The following SESN3 variants were observed in gnomAD, a reference collection of about 807,000 sequenced individuals.
The protein encoded by SESN3 is sestrin-3.
SESN3 carries 21 observed loss-of-function variants against 55.3 expected under a neutral mutation model. The ratio of observed to expected loss-of-function variants is 0.38; its 90% confidence interval spans 0.27 to 0.55. SESN3 has a LOEUF of 0.55. SESN3 is among the 20% of genes least tolerant of loss of function. The pLI is 0.76. For missense variants in SESN3, 408 were observed against 604.3 expected (o/e 0.68, Z 3.41); for synonymous variants, 181 against 203.1 (o/e 0.89, Z 0.93).
chr11:95,176,461 G>C (rs1859957953), intron 8 of SESN3, among the ~76,000 whole-genome samples: 2 of 152,192 alleles, frequency 1.3e-5, no homozygotes, highest in South Asian at 4.1e-4. Flanking sequence ...ATGCTGGAGA[G>C]AGAAGGGAGC....
Position 95,177,710 on chromosome 11 carries a change from T to G in SESN3, c.1247+9A>C, listed in dbSNP as rs368390546. The G allele has an allele frequency of 6.9e-6, 11 of 1,588,282 alleles. No individual in the cohort carries two copies. Among genetic ancestry groups the G allele is most frequent in the Non-Finnish European group, 9.4e-6 (11 of 1,170,082 alleles). On this transcript the variant is annotated intron_variant, in intron 8 of 9. Transcript: ENST00000536441. Reference sequence around the variant, plus strand: ...GAAATGTAAAAAACTGTCTCTACAATGAACATACCTGATTCCAAACATACA... The same window carrying G: ...GAAATGTAAAAAACTGTCTCTACAAGGAACATACCTGATTCCAAACATACA...
chr11:95,211,368 G>A (rs1032115473), intron 1 of SESN3, among the ~76,000 whole-genome samples: 9 of 152,176 alleles, frequency 5.9e-5, no homozygotes, highest in African/African-American at 2.2e-4. Flanking sequence ...CCACCCCCAT[G>A]ACCCAAGAGT....
intron 9 of SESN3, among the ~76,000 whole-genome samples, chr11:95,174,541 T>C (rs1396700386): frequency 6.6e-6 from 1 of 152,194 alleles, no homozygotes; most frequent in Non-Finnish European, 1.5e-5. Flanking sequence ...TGGAGTGCAG[T>C]GGAGTGATCT....
At chr11:95,189,704 C>T (rs1234815019) in intron 4 of SESN3, 75 bp downstream of exon 4, 1 of 1,021,284 alleles carries the variant, frequency 9.8e-7, no homozygotes, top group Non-Finnish European at 1.4e-6. Context: ...ATTTATGTTC[C>T]AAGTTCCTAA....
At chr11:95,177,447 A>G (rs554648893) in intron 8 of SESN3, among the ~76,000 whole-genome samples, 1 of 152,230 alleles carries the variant, frequency 6.6e-6, no homozygotes, top group African/African-American at 2.4e-5. Flanking sequence ...AGGATTCTCA[A>G]ATTTGGTCTA....
At chr11:95,174,867 A>G (rs1859926089) in intron 9 of SESN3, among the ~76,000 whole-genome samples, 1 of 152,172 alleles carries the variant, frequency 6.6e-6, no homozygotes, top group African/African-American at 2.4e-5. Context: ...TTTGTTCAAT[A>G]TAGCATATAA....
Position 95,169,445 on chromosome 11 carries a change from T to A in SESN3, c.*3810A>T, listed in dbSNP as rs1342516917. On this transcript the variant is annotated 3_prime_UTR_variant, in exon 10 of 10. Transcript: ENST00000536441. ...CATAACAAACATTATTGTTATGTACTGTTTAGTCCATGTTAAGACCATCTC... is the reference window on the plus strand; with the variant it reads ...CATAACAAACATTATTGTTATGTACAGTTTAGTCCATGTTAAGACCATCTC... 6.6e-6 allele frequency: 1 copy of A among 152,224 alleles called. No homozygotes were observed. Among genetic ancestry groups the A allele is most frequent in the Non-Finnish European group, 1.5e-5 (1 of 68,034 alleles). The allele number at this position is 152,224 out of a possible 1,614,324, so 9.4% of individuals were successfully genotyped here.
chr11:95,173,560 T>C (rs1258089384), intron 9 of SESN3, among the ~76,000 whole-genome samples: 1 of 152,162 alleles, frequency 6.6e-6, no homozygotes, highest in African/African-American at 2.4e-5. Context: ...TCTGATAACT[T>C]TATTAAAGTT....
intron 6 of SESN3, 118 bp from the exon 7 acceptor site, chr11:95,178,946 T>C: frequency 1.6e-6 from 1 of 608,050 alleles, no homozygotes; most frequent in South Asian, 2.3e-5. Flanking sequence ...AGTGAAAACA[T>C]GGACTCCGTG....
chr11:95,187,632 T>C (rs915719816), intron 4 of SESN3, among the ~76,000 whole-genome samples: 1 of 151,930 alleles, frequency 6.6e-6, no homozygotes, highest in African/African-American at 2.4e-5. Flanking sequence ...GAAGTACTCT[T>C]GCTACCCTGA....
intron 1 of SESN3, among the ~76,000 whole-genome samples, chr11:95,217,925 T>G (rs1860790398): frequency 6.6e-6 from 1 of 152,218 alleles, no homozygotes; most frequent in Non-Finnish European, 1.5e-5. Flanking sequence ...ATTTTCCATT[T>G]TTAAATTACT....
chr11:95,209,741 G>A (rs991649138), intron 1 of SESN3, among the ~76,000 whole-genome samples: 1 of 151,134 alleles, frequency 6.6e-6, no homozygotes, highest in African/African-American at 2.4e-5. Flanking sequence ...GTTTGGCCAG[G>A]CGTGGTGGCT....
Position 95,231,022 on chromosome 11 carries a change from G to C in SESN3, c.-162C>G. On this transcript the variant is annotated 5_prime_UTR_variant, in exon 1 of 10. Transcript: ENST00000536441. ...GAGAGGCGACTGCCTGAAAGCTAGC[G>C]GCACTGCCAGAGGCGACCACCGCGG... 2.2e-6 allele frequency: 1 copy of C among 456,830 alleles called. No individual in the cohort carries two copies. The highest frequency in any genetic ancestry group is 3.8e-6 in the Non-Finnish European group (1 of 262,162). 28.3% of individuals were successfully genotyped at this position (456,830 alleles called of 1,614,324 possible).
At chr11:95,205,508 G>A (rs887350223) in intron 1 of SESN3, among the ~76,000 whole-genome samples, 3 of 152,094 alleles carry the variant, frequency 2.0e-5, no homozygotes, top group Non-Finnish European at 4.4e-5. Context: ...AAAATAGTGA[G>A]GAAAGTCTAG....
Position 95,173,060 on chromosome 11 carries a change from G to A in SESN3, c.*195C>T. On this transcript the variant is annotated 3_prime_UTR_variant, in exon 10 of 10. Transcript: ENST00000536441. ...CTCAGTATTATTTTTGCAATTGTTA[G>A]TAATGTTAAGCATCAAGGAAAATAA... 1 of 457,138 alleles carries A rather than the reference G, an allele frequency of 2.2e-6. No homozygotes were observed. Among genetic ancestry groups the A allele is most frequent in the East Asian group, 2.9e-5 (1 of 34,242 alleles). 28.3% of individuals were successfully genotyped at this position (457,138 alleles called of 1,614,324 possible). A position where few individuals can be genotyped will look rare whatever the true frequency, so the allele number is the denominator to read the frequency against.
Position 95,230,547 on chromosome 11 carries a change from G to C in SESN3, c.78+236C>G, listed in dbSNP as rs1861036765. 3.8e-6 allele frequency: 2 copies of C among 521,120 alleles called. No individual in the cohort carries two copies. The highest frequency in any genetic ancestry group is 4.1e-5 in the African/African-American group (2 of 48,750). 32.3% of individuals were successfully genotyped at this position (521,120 alleles called of 1,614,324 possible). A position where few individuals can be genotyped will look rare whatever the true frequency, so the allele number is the denominator to read the frequency against. On this transcript the variant is annotated intron_variant, in intron 1 of 9. Transcript: ENST00000536441. This position sits in a 1 kb window ranked among gnomAD's most constrained non-coding sequence, Gnocchi z 4.6. ...CAAAGGCACCAAATAAAAGGAACAA[G>C]GGAAGAAAAAATATCCCAACCCCTC... is the stretch of plus-strand genomic sequence containing the variant.
chr11:95,213,744 T>C (rs1860702158), intron 1 of SESN3, among the ~76,000 whole-genome samples: 1 of 152,196 alleles, frequency 6.6e-6, no homozygotes, highest in Non-Finnish European at 1.5e-5. Flanking sequence ...AGTCAGTATT[T>C]TTATTCTTTA....
Position 95,173,106 on chromosome 11 carries a change from A to T in SESN3, c.*149T>A, listed in dbSNP as rs531673061. 6.7e-5 allele frequency: 33 copies of T among 495,512 alleles called. No individual in the cohort carries two copies. The East Asian group carries it at 9.0e-4, about 14-fold the overall frequency. The allele number at this position is 495,512 out of a possible 1,614,324, so 30.7% of individuals were successfully genotyped here. A position where few individuals can be genotyped will look rare whatever the true frequency, so the allele number is the denominator to read the frequency against. The stretch of plus-strand genomic sequence containing the variant: ...AATAAAACACATCATTGCACATTAC[A>T]GCCGCAAAAAACAAAAAAAAAAAAA... On this transcript the variant is annotated 3_prime_UTR_variant, in exon 10 of 10. Transcript: ENST00000536441.
intron 4 of SESN3, among the ~76,000 whole-genome samples, chr11:95,185,922 T>G (rs760967388): frequency 6.6e-6 from 1 of 152,070 alleles, no homozygotes; most frequent in Non-Finnish European, 1.5e-5. Context: ...AGTTATCCTT[T>G]AGATACCTTC....
Sources: allele counts gnomAD v4.1 joint callset (sites outside exome capture counted in the v4.1 genomes callset), GRCh38; gene constraint gnomAD v4.1.1; non-coding constraint Gnocchi (gnomAD v3.1); transcripts MANE v1.5; gene names NCBI Gene and HGNC (gene_info 2026-07-23, HGNC 2026-07-21).